Variants in TRPC7 observed in about 807,000 individuals in gnomAD.
TRPC7 encodes the protein short transient receptor potential channel 7.
TRPC7 carries 42 observed loss-of-function variants against 90.1 expected under a neutral mutation model. That is an observed-to-expected ratio of 0.47 (90% CI 0.36 to 0.60). TRPC7 has a LOEUF of 0.60. Ranked by LOEUF, TRPC7 falls within the 20% of genes least tolerant of loss-of-function variation. The probability of loss-of-function intolerance (pLI) is 0.00; values close to 1 mark genes in which losing one functional copy is unlikely to be tolerated. For synonymous variants in TRPC7, 451 were observed against 436.3 expected (o/e 1.03, Z -0.42); for missense variants, 955 against 1,112.3 (o/e 0.86, Z 2.01).
Position 136,356,751 on chromosome 5 carries a change from T to TGAAG in TRPC7, c.633_636dup (p.Ser213LeufsTer45). 1 of 1,612,484 alleles carries TGAAG rather than the reference T, an allele frequency of 6.2e-7. No homozygotes were observed. The highest frequency in any genetic ancestry group is 8.5e-7 in the Non-Finnish European group (1 of 1,179,032). ...GCGTTCATGCGCGAGCGCGAGTGGCTGAAGGAGTCTTTCCGCTGTTTCTCG... is the reference window on the plus strand; with the variant it reads ...GCGTTCATGCGCGAGCGCGAGTGGCTGAAGGAAGGAGTCTTTCCGCTGTTTCTCG... On this transcript the variant is annotated frameshift_variant, in exon 2 of 12. Transcript: ENST00000513104. LOFTEE classifies it high-confidence loss of function.
Position 136,309,543 on chromosome 5 carries a change from T to C in TRPC7, c.963+6054A>G, listed in dbSNP as rs559633041. ...CTGCCAAATAGCGCCGGGATTATGCTTTCTGGTCCTTCTTGTGAAGGGGTG... is the reference window on the plus strand; with the variant it reads ...CTGCCAAATAGCGCCGGGATTATGCCTTCTGGTCCTTCTTGTGAAGGGGTG... On this transcript the variant is annotated intron_variant, in intron 3 of 11. Coordinates refer to ENST00000513104, the MANE Select transcript of TRPC7 (RefSeq NM_020389.3). 3.3e-5 allele frequency among the ~76,000 whole-genome samples: 5 copies of C among 152,316 alleles called. No homozygotes were observed. In the South Asian group the frequency reaches 1.0e-3, roughly 32 times the overall value.
At chr5:136,268,063 T>C (rs1338529336) in intron 4 of TRPC7, among the ~76,000 whole-genome samples, 1 of 152,246 alleles carries the variant, frequency 6.6e-6, no homozygotes, top group Non-Finnish European at 1.5e-5. Context: ...AACATTTTTA[T>C]ATAAATTCAG....
chr5:136,231,224 T>C, intron 8 of TRPC7, 130 bp downstream of exon 8: 2 of 832,144 alleles, frequency 2.4e-6, no homozygotes, highest in Admixed American at 3.1e-5. Flanking sequence ...CCAGGAAGAA[T>C]GCCTGTTCTT....
chr5:136,266,197 T>A, intron 5 of TRPC7, 23 bp downstream of exon 5: 8 of 1,595,050 alleles, frequency 5.0e-6, no homozygotes, highest in Non-Finnish European at 6.9e-6. Context: ...AAGGAGAGAA[T>A]AAAAATAGAG....
intron 1 of TRPC7, among the ~76,000 whole-genome samples, chr5:136,358,263 A>G (rs1259440174): frequency 6.6e-6 from 1 of 152,138 alleles, no homozygotes; most frequent in Non-Finnish European, 1.5e-5. Flanking sequence ...AGCTCAACTT[A>G]TATGCTGGGT....
At chr5:136,332,114 G>C (rs910732409) in intron 2 of TRPC7, among the ~76,000 whole-genome samples, 1 of 152,140 alleles carries the variant, frequency 6.6e-6, no homozygotes, top group Admixed American at 6.6e-5. Flanking sequence ...TTTGAATAGA[G>C]AGTTGAAGGA....
At chr5:136,340,494 A>C (rs539704697) in intron 2 of TRPC7, among the ~76,000 whole-genome samples, 1 of 152,316 alleles carries the variant, frequency 6.6e-6, no homozygotes, top group African/African-American at 2.4e-5. Context: ...TTAATATCTT[A>C]ATTAACCTGA....
intron 3 of TRPC7, among the ~76,000 whole-genome samples, chr5:136,287,590 G>C (rs957470878): frequency 6.7e-6 from 1 of 149,892 alleles, no homozygotes; most frequent in Non-Finnish European, 1.5e-5. Flanking sequence ...CAGGGGTCTT[G>C]CTTCATTTGA....
At chr5:136,258,581 T>G (rs987897611) in intron 5 of TRPC7, among the ~76,000 whole-genome samples, 2 of 152,180 alleles carry the variant, frequency 1.3e-5, no homozygotes, top group Non-Finnish European at 2.9e-5. Context: ...GAGGGGTGCC[T>G]GGCAGTGGAA....
chr5:136,356,500 C>T, intron 2 of TRPC7, 108 bp downstream of exon 2: 1 of 1,208,106 alleles, frequency 8.3e-7, no homozygotes, highest in Non-Finnish European at 1.1e-6. Context: ...CAGTAAGATC[C>T]TGAAGCTTCC....
chr5:136,216,423 C>A lies in TRPC7; in HGVS notation c.2344-148G>T. ...CTGGCGCCTCACTCTGGAGGGGTGC[C>A]CTGCACAGTGCGGGTACCTGGCCAG... On this transcript the variant is annotated intron_variant, in intron 10 of 11. Coordinates refer to ENST00000513104, the MANE Select transcript of TRPC7 (RefSeq NM_020389.3). 1.1e-5 allele frequency: 7 copies of A among 662,494 alleles called. No individual in the cohort carries two copies. In the South Asian group the frequency reaches 1.3e-4, roughly 12 times the overall value. 41.0% of individuals were successfully genotyped at this position (662,494 alleles called of 1,614,324 possible).
At chr5:136,336,787 T>G (rs1759680578) in intron 2 of TRPC7, among the ~76,000 whole-genome samples, 2 of 152,142 alleles carry the variant, frequency 1.3e-5, no homozygotes, top group Admixed American at 1.3e-4. Flanking sequence ...TTGTGATAGT[T>G]TGTTCAGAAT....
chr5:136,297,334 C>T (rs1297697756), intron 3 of TRPC7, among the ~76,000 whole-genome samples: 1 of 152,144 alleles, frequency 6.6e-6, no homozygotes, highest in Non-Finnish European at 1.5e-5. Flanking sequence ...ATGATCCCCT[C>T]CTTCTTCAAG....
At chr5:136,221,015 AATAG>A (rs1755439344) in intron 10 of TRPC7, among the ~76,000 whole-genome samples, 1 of 152,162 alleles carries the variant, frequency 6.6e-6, no homozygotes, top group African/African-American at 2.4e-5. Flanking sequence ...AGATATAGAA[AATAG>A]ATATAGATAT....
intron 8 of TRPC7, among the ~76,000 whole-genome samples, chr5:136,230,838 A>C (rs1450569295): frequency 6.6e-6 from 1 of 152,016 alleles, no homozygotes; most frequent in Non-Finnish European, 1.5e-5. Flanking sequence ...CTGTCCCCAC[A>C]CCACTCCCCA....
At chr5:136,349,814 C>T (rs1363225100) in intron 2 of TRPC7, among the ~76,000 whole-genome samples, 1 of 152,138 alleles carries the variant, frequency 6.6e-6, no homozygotes, top group Non-Finnish European at 1.5e-5. Context: ...TCATGCATGG[C>T]ATAATAGCAT....
At chr5:136,333,607 A>G (rs1056544070) in intron 2 of TRPC7, among the ~76,000 whole-genome samples, 2 of 152,170 alleles carry the variant, frequency 1.3e-5, no homozygotes, top group Admixed American at 6.5e-5. Context: ...TTCAGATTTC[A>G]TGGCCTGGAG....
intron 7 of TRPC7, among the ~76,000 whole-genome samples, chr5:136,238,476 C>T (rs1338739111): frequency 6.6e-6 from 1 of 152,196 alleles, no homozygotes; most frequent in Non-Finnish European, 1.5e-5. Context: ...CCCAGCTTGC[C>T]TCAGACCTGC....
intron 1 of TRPC7, among the ~76,000 whole-genome samples, chr5:136,359,662 T>C (rs1444675939): frequency 6.6e-6 from 1 of 152,090 alleles, no homozygotes; most frequent in African/African-American, 2.4e-5. Flanking sequence ...TTATAGGGTT[T>C]TCAGAAAGAG....
Sources: gnomAD v4.1 joint callset for allele counts (sites outside exome capture counted in the v4.1 genomes callset) on GRCh38, gnomAD v4.1.1 for gene constraint, MANE v1.5 for transcripts, NCBI Gene and HGNC (gene_info 2026-07-23, HGNC 2026-07-21) for gene names.